The following ANXA9 variants were observed in gnomAD, a reference collection of about 807,000 sequenced individuals.
ANXA9 encodes the protein annexin A9.
A neutral mutation model predicts 51.8 loss-of-function variants in ANXA9; 47 were observed. The ratio of observed to expected loss-of-function variants is 0.91; its 90% CI spans 0.72 to 1.16. The LOEUF is 1.16. Among genes scored for constraint, ANXA9 ranks in the 50% most tolerant of loss-of-function variants. The pLI, the probability that ANXA9 is intolerant of heterozygous loss-of-function variation, is 0.00. For missense variants in ANXA9, 361 were observed against 424.7 expected, an observed-to-expected ratio of 0.85 and a Z score of 1.32; for synonymous variants, 154 against 168.7, an observed-to-expected ratio of 0.91 and a Z score of 0.68.
chr1:150,986,473 T>C (rs1027251819), intron 8 of ANXA9, 58 bp downstream of exon 8: 26 of 1,591,176 alleles, frequency 1.6e-5, no homozygotes, highest in Non-Finnish European at 2.2e-5. Flanking sequence ...GGAGACACGC[T>C]GGAGCAGGGA....
intron 12 of ANXA9, among the ~76,000 whole-genome samples, chr1:150,992,213 G>A (rs1291133864): frequency 6.6e-6 from 1 of 152,120 alleles, no homozygotes; most frequent in African/African-American, 2.4e-5. Flanking sequence ...AATGTTCCTG[G>A]TGAAGATCCT....
At chr1:150,993,237 TC>T (rs201216043) in intron 12 of ANXA9, among the ~76,000 whole-genome samples, 1,698 of 152,232 alleles carry the variant, frequency 0.011, 21 homozygotes, top group African/African-American at 0.039. Context: ...TTTAAAAATC[TC>T]TCATAACAAC....
In ANXA9 at chr1:150,983,960, C is replaced by G. The variant is rs888991007; in HGVS notation, c.173-15C>G. 8.1e-6 allele frequency: 13 copies of G among 1,608,906 alleles called. No homozygotes were observed. The highest frequency in any genetic ancestry group is 1.3e-5 in the African/African-American group (1 of 74,798). ...TAAAGACCCTGCTCACAGCACAGCC[C>G]TCATCTCGGTTCAGGCGTGGACCGC... On this transcript the variant is annotated splice_polypyrimidine_tract_variant and intron_variant, in intron 4 of 13. Transcript: ENST00000368947.
intron 12 of ANXA9, among the ~76,000 whole-genome samples, chr1:150,989,907 C>A (rs1029431466): frequency 6.6e-6 from 1 of 152,100 alleles, no homozygotes; most frequent in Non-Finnish European, 1.5e-5. Flanking sequence ...ACTTATCTGT[C>A]CAAATTCCTG....
At chr1:150,984,195 C>T (rs587691561) in intron 5 of ANXA9, 86 bp from the exon 6 acceptor site, 2 of 1,537,700 alleles carry the variant, frequency 1.3e-6, no homozygotes, top group Admixed American at 3.5e-5. Flanking sequence ...GAGATGAAAA[C>T]CAGCCAAATC....
chr1:150,992,007 T>C (rs970013030), intron 12 of ANXA9, among the ~76,000 whole-genome samples: 2 of 152,136 alleles, frequency 1.3e-5, no homozygotes, highest in Non-Finnish European at 2.9e-5. Context: ...CCTCAGGTGA[T>C]CCACCAGCCT....
chr1:150,987,554 C>T (rs1671595795), intron 9 of ANXA9, among the ~76,000 whole-genome samples: 1 of 151,418 alleles, frequency 6.6e-6, no homozygotes. Context: ...ATGGTGAAAC[C>T]CCGTCTCTAC....
upstream of ANXA9, among the ~76,000 whole-genome samples, chr1:150,977,603 C>A (rs1339883692): frequency 6.6e-6 from 1 of 152,230 alleles, no homozygotes; most frequent in African/African-American, 2.4e-5. Flanking sequence ...GATATCTGGG[C>A]AGGCTTTGTG....
chr1:150,983,173 C>T lies in ANXA9; in HGVS notation c.68C>T (p.Ala23Val). 1 of 1,613,938 alleles carries T rather than the reference C, an allele frequency of 6.2e-7. No individual in the cohort carries two copies. Among genetic ancestry groups the T allele is most frequent in the Non-Finnish European group, 8.5e-7 (1 of 1,179,930 alleles). The change falls in exon 3 of 14, where the codon GCC (alanine) becomes GTC (valine). Residue 23 changes from alanine to valine, a missense_variant. Coordinates refer to ENST00000368947, the MANE Select transcript of ANXA9 (RefSeq NM_003568.3). Reference protein sequence around the residue: ...TQEILSHLGLASKTAAWGTLG... With the variant: ...TQEILSHLGLVSKTAAWGTLG... ...GAGATCCTCAGCCACCTGGGCCTGG[C>T]CAGCAAGGTAGGGGCTGTTGGGATT...
chr1:150,977,420 G>A (rs750635434), upstream of ANXA9, among the ~76,000 whole-genome samples: 2 of 152,312 alleles, frequency 1.3e-5, no homozygotes, highest in African/African-American at 4.8e-5. Context: ...TGGCTGGACC[G>A]GAGACTGTGA....
chr1:150,978,591 G>A (rs1022580751), upstream of ANXA9, among the ~76,000 whole-genome samples: 4 of 152,114 alleles, frequency 2.6e-5, no homozygotes, highest in Non-Finnish European at 1.5e-5. Context: ...ACACTGAGAG[G>A]CAGCTGAGAA....
chr1:150,988,973 C>CT lies in ANXA9; in HGVS notation c.852+648dup, dbSNP rs35284337. Reference sequence around the variant, plus strand: ...CAGATTTTGTTCCACATTATCCATACTTTTTTTTTTTTTTTTGAGATGGAG... The same window carrying CT: ...CAGATTTTGTTCCACATTATCCATACTTTTTTTTTTTTTTTTTGAGATGGAG... On this transcript the variant is annotated intron_variant, in intron 12 of 13. Transcript: ENST00000368947. Among the ~76,000 whole-genome samples the CT allele has an allele frequency of 2.7e-3, 380 of 141,470 alleles. 1 individual carries two copies. The highest frequency in any genetic ancestry group is 6.0e-3 in the East Asian group (29 of 4,862). The allele number at this position is 141,470 out of a possible 152,430, so 92.8% of individuals were successfully genotyped here. A position where few individuals can be genotyped will look rare whatever the true frequency, so the allele number is the denominator to read the frequency against.
intron 7 of ANXA9, among the ~76,000 whole-genome samples, chr1:150,985,219 CAA>C (rs1671524509): frequency 3.4e-5 from 5 of 145,086 alleles, no homozygotes; most frequent in Admixed American, 6.8e-5. Context: ...CACACACACA[CAA>C]ATAAAGAGAG....
At chr1:150,980,572 C>CTTTTT (rs869295630), upstream of ANXA9, among the ~76,000 whole-genome samples, 18 of 89,066 alleles carry the variant, frequency 2.0e-4, no homozygotes, top group Admixed American at 4.9e-4. Flanking sequence ...ACACAGATTA[C>CTTTTT]TTTTTTTTTT....
intron 12 of ANXA9, among the ~76,000 whole-genome samples, chr1:150,991,379 G>A (rs587733145): frequency 1.3e-4 from 19 of 150,914 alleles, no homozygotes; most frequent in African/African-American, 4.6e-4. Flanking sequence ...TGGGATTACA[G>A]GCGCTCACCA....
At position 150,986,321 on chromosome 1, in the gene ANXA9, C is replaced by T; in HGVS notation, c.473-15C>T. The T allele has an allele frequency of 6.2e-7, 1 of 1,613,542 alleles. No homozygotes were observed. Among genetic ancestry groups the T allele is most frequent in the Non-Finnish European group, 8.5e-7 (1 of 1,179,520 alleles). ...AAACTCAGGAGGATTCAGAGAGCTC[C>T]TCACCCCACCCCAGATTTCCAGGTG... On this transcript the variant is annotated splice_polypyrimidine_tract_variant and intron_variant, in intron 7 of 13. Transcript: ENST00000368947.
intron 12 of ANXA9, among the ~76,000 whole-genome samples, chr1:150,993,186 GA>G (rs931593608): frequency 1.1e-3 from 149 of 141,508 alleles, no homozygotes; most frequent in African/African-American, 2.2e-3. Context: ...CTGGTGCACA[GA>G]AAAAAAAAAA....
intron 13 of ANXA9, 62 bp downstream of exon 13, chr1:150,994,761 C>A: frequency 1.3e-6 from 2 of 1,598,620 alleles, no homozygotes; most frequent in Non-Finnish European, 8.5e-7. Context: ...TCCACCCTCA[C>A]TCCCTGCACA....
upstream of ANXA9, among the ~76,000 whole-genome samples, chr1:150,979,863 A>G (rs142853248): frequency 2.2e-4 from 34 of 152,346 alleles, no homozygotes; most frequent in African/African-American, 5.8e-4. Flanking sequence ...AGTGCTTTAT[A>G]TGCACTGTAG....
Sources: allele counts gnomAD v4.1 joint callset (sites outside exome capture counted in the v4.1 genomes callset), GRCh38; gene constraint gnomAD v4.1.1; transcripts MANE v1.5; gene names NCBI Gene and HGNC (gene_info 2026-07-23, HGNC 2026-07-21).